CNTNAP2: variants seen among roughly 807,000 people sequenced by gnomAD.
CNTNAP2 encodes the protein contactin associated protein 2.
In CNTNAP2, 98 loss-of-function variants were observed where a neutral mutation model predicts 155.2. The ratio of observed to expected loss-of-function variants is 0.63; its 90% CI spans 0.54 to 0.75. The LOEUF (loss-of-function observed/expected upper bound fraction) is 0.75. Ranked by LOEUF, CNTNAP2 falls within the 30% of genes least tolerant of loss-of-function variation. The probability of loss-of-function intolerance (pLI) is 0.00; values close to 1 mark genes in which losing one functional copy is unlikely to be tolerated. For missense variants in CNTNAP2, 1,727 were observed against 1,688.1 expected (o/e 1.02, Z -0.40); for synonymous variants, 651 against 631.2 (o/e 1.03, Z -0.47).
chr7:146,238,281 A>T (rs1234339737), intron 1 of CNTNAP2, among the ~76,000 whole-genome samples: 55 of 152,220 alleles, frequency 3.6e-4, no homozygotes, highest in Admixed American at 3.5e-3. Flanking sequence ...TCAAAAGCAT[A>T]ACATTTAAGT....
At chr7:147,222,115 G>T (rs1179046333) in intron 8 of CNTNAP2, among the ~76,000 whole-genome samples, 1 of 152,024 alleles carries the variant, frequency 6.6e-6, no homozygotes, top group Non-Finnish European at 1.5e-5. Flanking sequence ...GAGGTTTCTG[G>T]ATACATGGTT....
chr7:147,738,562 A>G (rs1461507760), intron 13 of CNTNAP2, among the ~76,000 whole-genome samples: 1 of 152,214 alleles, frequency 6.6e-6, no homozygotes, highest in African/African-American at 2.4e-5. Context: ...TTTTTTAGCA[A>G]TGAAGCATTT....
chr7:146,875,554 A>G (rs1479550745), intron 3 of CNTNAP2, among the ~76,000 whole-genome samples: 2 of 152,150 alleles, frequency 1.3e-5, no homozygotes, highest in Non-Finnish European at 2.9e-5. Flanking sequence ...TTCGAAATGT[A>G]AACATCAATG....
intron 5 of CNTNAP2, among the ~76,000 whole-genome samples, chr7:147,109,297 A>T (rs540201294): frequency 1.2e-3 from 186 of 152,270 alleles, no homozygotes; most frequent in African/African-American, 3.8e-3. Flanking sequence ...ATGACTTATG[A>T]TGGGTTGGAT....
At chr7:147,986,873 TTG>T (rs71686634) in intron 15 of CNTNAP2, among the ~76,000 whole-genome samples, 57,247 of 147,164 alleles carry the variant, frequency 0.39, 11,831 homozygotes, top group East Asian at 0.49. Context: ...TGTTTTTTGT[TTG>T]TGTGTGTGTG....
At chr7:148,292,180 G>C (rs1175608603) in intron 21 of CNTNAP2, among the ~76,000 whole-genome samples, 3 of 152,184 alleles carry the variant, frequency 2.0e-5, no homozygotes, top group Non-Finnish European at 4.4e-5. Context: ...CAAATTCTAT[G>C]TATAAGAGAG....
chr7:147,916,374 CAG>C (rs2116772124), intron 14 of CNTNAP2, among the ~76,000 whole-genome samples: 1 of 152,158 alleles, frequency 6.6e-6, no homozygotes, highest in East Asian at 1.9e-4. Context: ...AAGATGTCAG[CAG>C]AGTGTCAATA....
chr7:147,765,115 T>C (rs1797364192), intron 13 of CNTNAP2, among the ~76,000 whole-genome samples: 1 of 152,324 alleles, frequency 6.6e-6, no homozygotes, highest in South Asian at 2.1e-4. Flanking sequence ...TAGTCAGTCA[T>C]GTCAAACCTC....
chr7:147,203,602 C>A (rs1385705045), intron 8 of CNTNAP2, among the ~76,000 whole-genome samples: 4 of 152,114 alleles, frequency 2.6e-5, no homozygotes, highest in Admixed American at 2.6e-4. Context: ...CTTAGAATAA[C>A]ACTTTAATAC....
intron 12 of CNTNAP2, among the ~76,000 whole-genome samples, chr7:147,619,119 T>C (rs533322650): frequency 2.0e-5 from 3 of 152,350 alleles, no homozygotes; most frequent in East Asian, 3.9e-4. Context: ...ATGAGACAGA[T>C]ACTAAATTCT....
At chr7:148,401,941 G>A (rs1160431168) in intron 22 of CNTNAP2, among the ~76,000 whole-genome samples, 1 of 152,128 alleles carries the variant, frequency 6.6e-6, no homozygotes, top group African/African-American at 2.4e-5. Flanking sequence ...TCGTTAATCA[G>A]ACAAAAGAGT....
intron 3 of CNTNAP2, among the ~76,000 whole-genome samples, chr7:146,926,515 A>G (rs1354860457): frequency 2.6e-5 from 4 of 152,136 alleles, no homozygotes; most frequent in Non-Finnish European, 5.9e-5. Flanking sequence ...CTGACAAATT[A>G]CAGATCCTCA....
chr7:146,871,829 A>G lies in CNTNAP2; in HGVS notation c.402+31925A>G, dbSNP rs530741574. On this transcript the variant is annotated intron_variant, in intron 3 of 23. Coordinates refer to ENST00000361727, the MANE Select transcript of CNTNAP2 (RefSeq NM_014141.6). Reference sequence around the variant, plus strand: ...ATTGAGAAACTATGCAAATCTCAGAATATTTGTCTCCTAACATGTTTTATG... The same window carrying G: ...ATTGAGAAACTATGCAAATCTCAGAGTATTTGTCTCCTAACATGTTTTATG... Among the ~76,000 whole-genome samples, 15 of 152,132 alleles carry G rather than the reference A, an allele frequency of 9.9e-5. No homozygotes were observed. In the South Asian group the frequency reaches 2.7e-3, roughly 27 times the overall value.
chr7:146,709,160 G>C (rs1195744890), intron 1 of CNTNAP2, among the ~76,000 whole-genome samples: 2 of 152,056 alleles, frequency 1.3e-5, no homozygotes, highest in East Asian at 3.9e-4. Context: ...CCATATTATA[G>C]AAACAGTGTT....
At chr7:147,638,517 A>C (rs921529612) in intron 12 of CNTNAP2, among the ~76,000 whole-genome samples, 1 of 152,322 alleles carries the variant, frequency 6.6e-6, no homozygotes, top group South Asian at 2.1e-4. Context: ...TGAAATTTTC[A>C]GGGTCAAAAT....
chr7:148,074,950 T>C (rs768291145), intron 15 of CNTNAP2, among the ~76,000 whole-genome samples: 26 of 152,330 alleles, frequency 1.7e-4, no homozygotes, highest in Non-Finnish European at 2.6e-4. Flanking sequence ...TCACTTTAGA[T>C]TATAATTTTA....
intron 9 of CNTNAP2, among the ~76,000 whole-genome samples, chr7:147,330,283 G>C (rs1261827171): frequency 6.6e-6 from 1 of 152,150 alleles, no homozygotes; most frequent in African/African-American, 2.4e-5. Flanking sequence ...AGAAGGTATA[G>C]AAACTGTGTG....
intron 2 of CNTNAP2, among the ~76,000 whole-genome samples, chr7:146,784,704 T>C (rs747133969): frequency 1.3e-5 from 2 of 152,170 alleles, no homozygotes; most frequent in African/African-American, 2.4e-5. Flanking sequence ...TAGGACCCTG[T>C]CGTCACTGAA....
chr7:146,359,429 T>G (rs752612958), intron 1 of CNTNAP2, among the ~76,000 whole-genome samples: 8 of 152,218 alleles, frequency 5.3e-5, no homozygotes, highest in Non-Finnish European at 1.0e-4. Context: ...TATGCTGTCA[T>G]TCTAACTCTT....
Sources: gnomAD v4.1 joint callset for allele counts (sites outside exome capture counted in the v4.1 genomes callset) on GRCh38, gnomAD v4.1.1 for gene constraint, MANE v1.5 for transcripts, NCBI Gene and HGNC (gene_info 2026-07-23, HGNC 2026-07-21) for gene names.